FBXL7: variants seen among roughly 807,000 people sequenced by gnomAD.
FBXL7 encodes F-box/LRR-repeat protein 7.
In FBXL7, 12 loss-of-function variants were observed where a neutral mutation model predicts 38.3. The ratio of observed to expected loss-of-function variants is 0.31; its 90% confidence interval spans 0.20 to 0.51. The LOEUF (loss-of-function observed/expected upper bound fraction) is 0.51, where lower values mean the gene tolerates loss of function less well. Among genes scored for constraint, FBXL7 ranks in the 20% least tolerant of loss-of-function variants. The pLI is 0.98. For synonymous variants in FBXL7, 297 were observed against 300.9 expected (o/e 0.99, Z 0.13); for missense variants, 567 against 676.4 (o/e 0.84, Z 1.79).
chr5:15,888,707 C>T (rs913500514), intron 2 of FBXL7, among the ~76,000 whole-genome samples: 1 of 152,134 alleles, frequency 6.6e-6, no homozygotes, highest in African/African-American at 2.4e-5. Context: ...TTCTCTTTCA[C>T]GGCCCACTCT....
At chr5:15,500,903 T>A (rs951781619) in intron 1 of FBXL7, among the ~76,000 whole-genome samples, 190 bp downstream of exon 1, 5 of 152,164 alleles carry the variant, frequency 3.3e-5, no homozygotes, top group Non-Finnish European at 5.9e-5. Flanking sequence ...AGGATGCTTT[T>A]CCACTGTGGG....
chr5:15,839,065 T>A (rs1473628008), intron 2 of FBXL7, among the ~76,000 whole-genome samples: 1 of 151,960 alleles, frequency 6.6e-6, no homozygotes, highest in Non-Finnish European at 1.5e-5. Context: ...CTTCATACAC[T>A]TTACCCATTT....
intron 2 of FBXL7, among the ~76,000 whole-genome samples, chr5:15,774,056 CT>C (rs959669752): frequency 6.6e-6 from 1 of 152,004 alleles, no homozygotes; most frequent in African/African-American, 2.4e-5. Context: ...CCACAAGCCT[CT>C]TTTTTTACAG....
chr5:15,521,065 G>A (rs1001536827), intron 1 of FBXL7, among the ~76,000 whole-genome samples: 5 of 152,216 alleles, frequency 3.3e-5, no homozygotes, highest in African/African-American at 1.2e-4. Context: ...TTGGATGCCA[G>A]ACTTCCCAGG....
intron 2 of FBXL7, among the ~76,000 whole-genome samples, chr5:15,881,390 T>C (rs1225894984): frequency 1.3e-5 from 2 of 152,222 alleles, no homozygotes; most frequent in South Asian, 2.1e-4. Context: ...TATTTTGTGG[T>C]ATATTTATAC....
chr5:15,911,598 G>T (rs1308680487), intron 2 of FBXL7, among the ~76,000 whole-genome samples: 1 of 80,806 alleles, frequency 1.2e-5, no homozygotes, highest in Non-Finnish European at 2.1e-5. Context: ...GAGGAGAGGC[G>T]CTCTGCGTTT....
At chr5:15,741,868 C>T (rs1428149578) in intron 2 of FBXL7, among the ~76,000 whole-genome samples, 1 of 151,972 alleles carries the variant, frequency 6.6e-6, no homozygotes, top group Non-Finnish European at 1.5e-5. Flanking sequence ...AATCAGATCA[C>T]ATGAATGCAC....
intron 2 of FBXL7, among the ~76,000 whole-genome samples, chr5:15,728,926 A>G (rs1190158380): frequency 1.3e-5 from 2 of 152,162 alleles, no homozygotes; most frequent in Non-Finnish European, 2.9e-5. Flanking sequence ...TCCTTCCTGA[A>G]CTAGCCAAAT....
At chr5:15,798,297 T>G (rs1737469286) in intron 2 of FBXL7, among the ~76,000 whole-genome samples, 1 of 152,278 alleles carries the variant, frequency 6.6e-6, no homozygotes, top group East Asian at 1.9e-4. Context: ...TCCTCTTCCC[T>G]TTGCTCAAGG....
At chr5:15,764,737 G>A (rs1405883051) in intron 2 of FBXL7, among the ~76,000 whole-genome samples, 1 of 152,228 alleles carries the variant, frequency 6.6e-6, no homozygotes, top group Non-Finnish European at 1.5e-5. Flanking sequence ...ACCCCACAGG[G>A]TATTGGGAGC....
chr5:15,765,616 T>G (rs1452592608), intron 2 of FBXL7, among the ~76,000 whole-genome samples: 1 of 152,198 alleles, frequency 6.6e-6, no homozygotes, highest in East Asian at 1.9e-4. Context: ...AGGGAGATTC[T>G]TTTTTCTCTT....
intron 2 of FBXL7, among the ~76,000 whole-genome samples, chr5:15,616,274 G>T (rs189650115): frequency 6.6e-6 from 1 of 152,054 alleles, no homozygotes; most frequent in Non-Finnish European, 1.5e-5. Context: ...TTGATTTGAC[G>T]GGATTCAGGT....
chr5:15,519,656 A>T lies in FBXL7; in HGVS notation c.37+18943A>T, dbSNP rs185784304. On this transcript the variant is annotated intron_variant, in intron 1 of 3. Coordinates refer to ENST00000504595, the MANE Select transcript of FBXL7 (RefSeq NM_012304.5). Reference sequence around the variant, plus strand: ...TGTGAAGTTTTCCTTTGTGGGTACTAATTGCATGAAAAATCTGAGAAAGAG... The same window carrying T: ...TGTGAAGTTTTCCTTTGTGGGTACTTATTGCATGAAAAATCTGAGAAAGAG... 5.3e-5 allele frequency among the ~76,000 whole-genome samples: 8 copies of T among 152,240 alleles called. No individual in the cohort carries two copies. In the East Asian group the frequency reaches 1.5e-3, roughly 29 times the overall value.
At position 15,933,623 on chromosome 5, in the gene FBXL7, G is replaced by T. The variant is rs1249669891; in HGVS notation, c.740-2827G>T. On this transcript the variant is annotated intron_variant, in intron 3 of 3. Transcript: ENST00000504595. ...GAACAGTGTGACCTGCCTCTGACAA[G>T]CTGTTTTTGTTCTCCATTTTTGGAG... Among the ~76,000 whole-genome samples, 3 of 152,188 alleles carry T rather than the reference G, an allele frequency of 2.0e-5. No homozygotes were observed. In the East Asian group the frequency reaches 5.8e-4, roughly 29 times the overall value.
At chr5:15,896,525 G>A (rs910121106) in intron 2 of FBXL7, among the ~76,000 whole-genome samples, 9 of 152,102 alleles carry the variant, frequency 5.9e-5, no homozygotes, top group African/African-American at 2.2e-4. Flanking sequence ...TGGCTCTGGC[G>A]GACCAACAGT....
intron 1 of FBXL7, among the ~76,000 whole-genome samples, chr5:15,516,728 A>G (rs1278432729): frequency 2.0e-5 from 3 of 152,196 alleles, no homozygotes; most frequent in African/African-American, 7.2e-5. Context: ...GGTTACCTTC[A>G]TGCTGCTGTT....
intron 2 of FBXL7, among the ~76,000 whole-genome samples, chr5:15,662,011 A>T (rs1408358877): frequency 6.6e-6 from 1 of 152,180 alleles, no homozygotes; most frequent in Non-Finnish European, 1.5e-5. Context: ...ATGTATCTTT[A>T]TGCTAGAATG....
chr5:15,664,554 C>T (rs1376498957), intron 2 of FBXL7, among the ~76,000 whole-genome samples: 3 of 148,462 alleles, frequency 2.0e-5, no homozygotes, highest in South Asian at 2.1e-4. Context: ...TTACTGCAAC[C>T]TCCGCCTCCC....
Position 15,928,611 on chromosome 5 carries a change from G to C in FBXL7, c.739+110G>C. The C allele has an allele frequency of 7.1e-7, 1 of 1,405,566 alleles. No individual in the cohort carries two copies. The highest frequency in any genetic ancestry group is 9.6e-7 in the Non-Finnish European group (1 of 1,045,296). 87.1% of individuals were successfully genotyped at this position (1,405,566 alleles called of 1,614,324 possible). Reference sequence around the variant, plus strand: ...CTCTTCTTGCAAGCCATCAGAGATGGGGGCGGGTGGTAGGGAGGCTGGCTT... The same window carrying C: ...CTCTTCTTGCAAGCCATCAGAGATGCGGGCGGGTGGTAGGGAGGCTGGCTT... On this transcript the variant is annotated intron_variant, in intron 3 of 3. Coordinates refer to ENST00000504595, the MANE Select transcript of FBXL7 (RefSeq NM_012304.5). This position sits in a 1 kb window ranked among gnomAD's most constrained non-coding sequence, Gnocchi z 4.0.
Sources: allele counts gnomAD v4.1 joint callset (sites outside exome capture counted in the v4.1 genomes callset), GRCh38; gene constraint gnomAD v4.1.1; non-coding constraint Gnocchi (gnomAD v3.1); transcripts MANE v1.5; gene names NCBI Gene and HGNC (gene_info 2026-07-23, HGNC 2026-07-21).